The following PBRM1 variants were observed in gnomAD, a reference collection of about 807,000 sequenced individuals.
PBRM1 encodes polybromo 1.
In PBRM1, 27 loss-of-function variants were observed where a neutral mutation model predicts 194.5. The ratio of observed to expected loss-of-function variants is 0.14; its 90% CI spans 0.10 to 0.19. PBRM1 has a LOEUF of 0.19. PBRM1 is among the 10% of genes least tolerant of loss of function. The pLI, the probability that PBRM1 is intolerant of heterozygous loss-of-function variation, is 1.00. For missense variants in PBRM1, 1,466 were observed against 2,077.2 expected (o/e 0.71, Z 5.72); for synonymous variants, 655 against 693.2 (o/e 0.94, Z 0.87).
At chr3:52,636,655 G>A (rs944604471) in intron 10 of PBRM1, among the ~76,000 whole-genome samples, 1 of 148,650 alleles carries the variant, frequency 6.7e-6, no homozygotes, top group Non-Finnish European at 1.5e-5. Context: ...TACTCGGGAG[G>A]CTGAGGCAGG....
At chr3:52,650,521 C>T (rs2096462129) in intron 6 of PBRM1, among the ~76,000 whole-genome samples, 1 of 152,078 alleles carries the variant, frequency 6.6e-6, no homozygotes, top group Non-Finnish European at 1.5e-5. Context: ...TTTCTCCTTC[C>T]TGGCAAACCA....
In PBRM1 at chr3:52,630,119, A is replaced by AACAG. The variant is rs575190187; in HGVS notation, c.1302-1088_1302-1085dup. Among the ~76,000 whole-genome samples the AACAG allele has an allele frequency of 2.5e-4, 38 of 152,306 alleles. No individual in the cohort carries two copies. The South Asian group carries it at 6.6e-3, about 27-fold the overall frequency. Reference sequence around the variant, plus strand: ...GGGCTAGATGTTCTCAATACCCTCAAACAGACAGAAAACCCAAACTTGCAA... The same window carrying AACAG: ...GGGCTAGATGTTCTCAATACCCTCAAACAGACAGACAGAAAACCCAAACTTGCAA... On this transcript the variant is annotated intron_variant, in intron 11 of 29. Transcript: ENST00000296302.
At chr3:52,670,627 C>T (rs1257568493) in intron 2 of PBRM1, among the ~76,000 whole-genome samples, 2 of 152,238 alleles carry the variant, frequency 1.3e-5, no homozygotes, top group Admixed American at 6.5e-5. Context: ...TGCAGACAGC[C>T]TGCCGGCTAC....
At chr3:52,674,936 A>AG (rs1484552232) in intron 2 of PBRM1, among the ~76,000 whole-genome samples, 2 of 151,902 alleles carry the variant, frequency 1.3e-5, no homozygotes, top group Non-Finnish European at 2.9e-5. Flanking sequence ...ACTGCACTCC[A>AG]GCCTGGGTGC....
intron 25 of PBRM1, among the ~76,000 whole-genome samples, 188 bp downstream of exon 27, chr3:52,561,579 A>G (rs2083546456): frequency 6.6e-6 from 1 of 152,238 alleles, no homozygotes; most frequent in Admixed American, 6.5e-5. Context: ...AGGCCAAGTC[A>G]GGGGCAGTGC....
intron 10 of PBRM1, among the ~76,000 whole-genome samples, chr3:52,639,534 G>A (rs747910233): frequency 1.3e-5 from 2 of 151,330 alleles, no homozygotes; most frequent in Non-Finnish European, 2.9e-5. Flanking sequence ...TCCCAACTCC[G>A]CCTCTGGAGT....
intron 6 of PBRM1, 105 bp from the exon 8 acceptor site, chr3:52,648,547 G>T (rs1370670754): frequency 3.4e-6 from 2 of 596,674 alleles, no homozygotes; most frequent in Non-Finnish European, 5.8e-6. Flanking sequence ...CATATTCCAA[G>T]ACTTTATTGG....
intron 13 of PBRM1, among the ~76,000 whole-genome samples, 196 bp downstream of exon 14, chr3:52,627,077 G>A (rs2153575897): frequency 6.6e-6 from 1 of 151,280 alleles, no homozygotes; most frequent in Middle Eastern, 3.4e-3. Flanking sequence ...TTTTCATCTG[G>A]GTCATCTAAA....
chr3:52,630,728 T>C (rs1379243249), intron 11 of PBRM1, among the ~76,000 whole-genome samples: 1 of 152,152 alleles, frequency 6.6e-6, no homozygotes, highest in East Asian at 1.9e-4. Flanking sequence ...CCCTATTCCT[T>C]ACTCTCCCCT....
chr3:52,682,952 C>T (rs989116445), upstream of PBRM1, among the ~76,000 whole-genome samples: 3 of 152,170 alleles, frequency 2.0e-5, no homozygotes, highest in South Asian at 2.1e-4. Context: ...GTAATCCCAG[C>T]GCTTTGGGAG....
Position 52,579,293 on chromosome 3 carries a change from TAAAAG to T in PBRM1, c.3388-99_3388-95del, listed in dbSNP as rs1257080060. The stretch of plus-strand genomic sequence containing the variant: ...AGCAGACTTTTCTTTCACATTAACT[TAAAAG>T]AAAAAACCACCATTGGTTACGTGGC... On this transcript the variant is annotated intron_variant, in intron 20 of 29. Transcript: ENST00000296302. The T allele has an allele frequency of 2.0e-5, 24 of 1,230,380 alleles. 1 individual carries two copies. The highest frequency in any genetic ancestry group is 2.7e-5 in the Non-Finnish European group (23 of 850,592). 76.2% of individuals were successfully genotyped at this position (1,230,380 alleles called of 1,614,324 possible).
At chr3:52,671,122 CT>C (rs1216268757) in intron 2 of PBRM1, among the ~76,000 whole-genome samples, 1 of 152,206 alleles carries the variant, frequency 6.6e-6, no homozygotes, top group Non-Finnish European at 1.5e-5. Flanking sequence ...CAGAACAGGA[CT>C]TTTACACAAG....
chr3:52,657,473 A>G (rs2096629249), intron 5 of PBRM1, among the ~76,000 whole-genome samples: 1 of 151,526 alleles, frequency 6.6e-6, no homozygotes, highest in African/African-American at 2.4e-5. Flanking sequence ...TCTTCCTTTT[A>G]TTTATTTATT....
upstream of PBRM1, chr3:52,685,875 C>CCT: frequency 7.3e-6 from 4 of 546,060 alleles, no homozygotes; most frequent in Non-Finnish European, 1.3e-5. Flanking sequence ...CACCCGCCGC[C>CCT]CTCACCTCCC....
exon 5 of PBRM1, chr3:52,658,256 A>G: frequency 6.2e-7 from 1 of 1,613,250 alleles, no homozygotes; most frequent in Admixed American, 1.7e-5. Flanking sequence ...ATGGATTTGT[A>G]GCTACAACTA....
chr3:52,601,430 C>T (rs1251166564), intron 17 of PBRM1, among the ~76,000 whole-genome samples: 1 of 152,210 alleles, frequency 6.6e-6, no homozygotes, highest in African/African-American at 2.4e-5. Flanking sequence ...AAGCAGTGCA[C>T]AACCTAGATC....
At chr3:52,674,627 C>CAAAAAAA (rs869059650) in intron 2 of PBRM1, among the ~76,000 whole-genome samples, 47 of 109,078 alleles carry the variant, frequency 4.3e-4, no homozygotes, top group African/African-American at 2.0e-3. Context: ...CTGTCTCTAC[C>CAAAAAAA]AAAAAAAAAA....
chr3:52,607,430 G>A (rs1417494094), intron 16 of PBRM1, among the ~76,000 whole-genome samples: 2 of 152,080 alleles, frequency 1.3e-5, no homozygotes, highest in Non-Finnish European at 2.9e-5. Flanking sequence ...AAACAACCAT[G>A]TCAACAATGG....
chr3:52,583,743 C>T (rs552169053), intron 20 of PBRM1, among the ~76,000 whole-genome samples: 12 of 151,956 alleles, frequency 7.9e-5, no homozygotes, highest in East Asian at 1.9e-4. Flanking sequence ...AGAAAATCCT[C>T]GTCTATTCCA....
Sources: gnomAD v4.1 joint callset for allele counts (sites outside exome capture counted in the v4.1 genomes callset) on GRCh38, gnomAD v4.1.1 for gene constraint, MANE v1.5 for transcripts, NCBI Gene and HGNC (gene_info 2026-07-23, HGNC 2026-07-21) for gene names.